The following OR7E24 variants were observed in gnomAD, a reference collection of about 807,000 sequenced individuals.
OR7E24 encodes the protein olfactory receptor family 7 subfamily E member 24.
For missense variants in OR7E24, 385 were observed against 410.3 expected, an observed-to-expected ratio of 0.94 and a Z score of 0.53; for synonymous variants, 130 against 157.5, an observed-to-expected ratio of 0.83 and a Z score of 1.31.
At chr19:9,210,007 T>TA in the OR7E24 span, 1 of 152,178 alleles carries the variant, frequency 6.6e-6, no homozygotes, top group South Asian at 2.1e-4. Flanking sequence ...TGATAACAAC[T>TA]AAGAGTCTGT....
At chr19:9,246,217 G>A (rs552166058), upstream of OR7E24, among the ~76,000 whole-genome samples, 6 of 151,382 alleles carry the variant, frequency 4.0e-5, no homozygotes, top group South Asian at 4.2e-4. Flanking sequence ...TTACAGGCAC[G>A]GGCCACCACA....
the OR7E24 span, among the ~76,000 whole-genome samples, chr19:9,223,734 C>CTTTT: frequency 2.2e-5 from 3 of 135,654 alleles, no homozygotes; most frequent in Non-Finnish European, 3.2e-5. Flanking sequence ...TTTTTCTCTT[C>CTTTT]TTTTTTTTTT....
the OR7E24 span, among the ~76,000 whole-genome samples, chr19:9,232,468 G>A: frequency 1.3e-5 from 2 of 151,338 alleles, no homozygotes; most frequent in Non-Finnish European, 2.9e-5. Context: ...AACCTGGGAG[G>A]CGGAGGTTGC....
chr19:9,235,318 A>T, the OR7E24 span: 1 of 1,266,814 alleles, frequency 7.9e-7, no homozygotes, highest in East Asian at 2.3e-5. Flanking sequence ...CCACAGCCCC[A>T]TGTAATTCTT....
the OR7E24 span, among the ~76,000 whole-genome samples, chr19:9,227,488 A>G: frequency 6.6e-6 from 1 of 152,122 alleles, no homozygotes; most frequent in African/African-American, 2.4e-5. Flanking sequence ...TTGGGCTCCC[A>G]AAGTGCTGGG....
At chr19:9,233,154 G>A in the OR7E24 span, among the ~76,000 whole-genome samples, 1 of 152,062 alleles carries the variant, frequency 6.6e-6, no homozygotes, top group Non-Finnish European at 1.5e-5. Flanking sequence ...TCTTCTCTTA[G>A]CTCCAAGATT....
At chr19:9,242,505 C>A (rs1294666362), upstream of OR7E24, among the ~76,000 whole-genome samples, 1 of 152,162 alleles carries the variant, frequency 6.6e-6, no homozygotes, top group Non-Finnish European at 1.5e-5. Context: ...CTGCCTCGGC[C>A]TCCCAAAGTG....
chr19:9,209,100 GT>G, the OR7E24 span: 1 of 152,164 alleles, frequency 6.6e-6, no homozygotes, highest in Non-Finnish European at 1.5e-5. Flanking sequence ...TTAATACCTT[GT>G]GATGGGAAAT....
At chr19:9,222,088 T>G in the OR7E24 span, among the ~76,000 whole-genome samples, 1 of 152,244 alleles carries the variant, frequency 6.6e-6, no homozygotes, top group Admixed American at 6.5e-5. Context: ...CTTTCCCCCT[T>G]GTGAGTCTTT....
chr19:9,252,136 G>GTCAA lies in OR7E24; in HGVS notation c.*73_*74insTCAA. ...GGTCACATTATTTTGGTTGCTTGAT[G>GTCAA]GCTTTCATTCCTCTCTGGGTTTCGT... is the stretch of plus-strand genomic sequence containing the variant. On this transcript the variant is annotated 3_prime_UTR_variant, in exon 1 of 1. Coordinates refer to ENST00000456448, the MANE Select transcript of OR7E24 (RefSeq NM_001079935.2). 4.7e-6 allele frequency: 6 copies of GTCAA among 1,280,672 alleles called. No homozygotes were observed. Among genetic ancestry groups the GTCAA allele is most frequent in the Non-Finnish European group, 6.5e-6 (6 of 923,938 alleles). 79.3% of individuals were successfully genotyped at this position (1,280,672 alleles called of 1,614,324 possible).
At chr19:9,219,281 A>G in the OR7E24 span, 2 of 152,228 alleles carry the variant, frequency 1.3e-5, no homozygotes, top group African/African-American at 2.4e-5. Flanking sequence ...TAAAGTTTAT[A>G]GGAAAGAGTG....
the OR7E24 span, chr19:9,211,903 AAT>A: frequency 6.6e-6 from 1 of 151,910 alleles, no homozygotes; most frequent in Admixed American, 6.5e-5. Flanking sequence ...ATTAAAAAAA[AAT>A]CTGATGTGGT....
chr19:9,229,367 T>TA, the OR7E24 span, among the ~76,000 whole-genome samples: 1,135 of 150,362 alleles, frequency 7.5e-3, 6 homozygotes, highest in Non-Finnish European at 0.011. Flanking sequence ...CCATCTCTAC[T>TA]AAAAAAAAAC....
chr19:9,206,744 C>T, the OR7E24 span: 1 of 152,176 alleles, frequency 6.6e-6, no homozygotes, highest in Non-Finnish European at 1.5e-5. Flanking sequence ...TGAGGACTTA[C>T]TGTATTTCAA....
At chr19:9,247,112 T>TA (rs1345892055), upstream of OR7E24, among the ~76,000 whole-genome samples, 1 of 152,162 alleles carries the variant, frequency 6.6e-6, no homozygotes, top group East Asian at 1.9e-4. Flanking sequence ...CAGATCTTAA[T>TA]AAAAAATAAA....
At chr19:9,237,720 A>C in the OR7E24 span, among the ~76,000 whole-genome samples, 137 of 152,250 alleles carry the variant, frequency 9.0e-4, no homozygotes, top group African/African-American at 3.2e-3. Flanking sequence ...TCATCCATTG[A>C]TGGACAAGGG....
At chr19:9,221,802 T>C in the OR7E24 span, among the ~76,000 whole-genome samples, 1 of 152,192 alleles carries the variant, frequency 6.6e-6, no homozygotes, top group Non-Finnish European at 1.5e-5. Context: ...CTGTTTCCTT[T>C]GCTGTGTGGA....
At chr19:9,214,941 A>T in the OR7E24 span, 1 of 658,902 alleles carries the variant, frequency 1.5e-6, no homozygotes, top group South Asian at 1.9e-5. Flanking sequence ...TTTGATGGAC[A>T]TTTGTCACCC....
chr19:9,236,144 T>A, the OR7E24 span: 3 of 832,568 alleles, frequency 3.6e-6, no homozygotes, highest in Non-Finnish European at 5.8e-6. Context: ...TGAATGCGCA[T>A]ATCCTAGATC....
Sources: allele counts gnomAD v4.1 joint callset (sites outside exome capture counted in the v4.1 genomes callset), GRCh38; gene constraint gnomAD v4.1.1; transcripts MANE v1.5; gene names NCBI Gene and HGNC (gene_info 2026-07-23, HGNC 2026-07-21).